The following TSPAN5 variants were observed in gnomAD, a reference collection of about 807,000 sequenced individuals.
TSPAN5 encodes tetraspanin-5.
In TSPAN5, 10 loss-of-function variants were observed where a neutral mutation model predicts 37.1. That is an observed-to-expected ratio of 0.27 (90% CI 0.17 to 0.46). TSPAN5 has a LOEUF of 0.46. Among genes scored for constraint, TSPAN5 ranks in the 20% least tolerant of loss-of-function variants. TSPAN5 has a pLI of 1.00. For synonymous variants in TSPAN5, 110 were observed against 118.9 expected (o/e 0.93, Z 0.48); for missense variants, 195 against 326.6 (o/e 0.60, Z 3.11).
intron 1 of TSPAN5, among the ~76,000 whole-genome samples, chr4:98,610,291 T>C (rs529492023): frequency 2.6e-5 from 4 of 152,310 alleles, no homozygotes; most frequent in Non-Finnish European, 5.9e-5. Flanking sequence ...AATCCCCTCA[T>C]GAGGGGGAGC....
At chr4:98,633,396 C>T (rs1195242362) in intron 1 of TSPAN5, among the ~76,000 whole-genome samples, 1 of 152,160 alleles carries the variant, frequency 6.6e-6, no homozygotes, top group Non-Finnish European at 1.5e-5. Context: ...TTTGCAGCGA[C>T]CTGTTCAGTT....
chr4:98,517,326 C>T (rs1209001894), intron 1 of TSPAN5, among the ~76,000 whole-genome samples: 1 of 152,044 alleles, frequency 6.6e-6, no homozygotes, highest in Non-Finnish European at 1.5e-5. Context: ...CTGCTGCTTG[C>T]TTGTTGAACT....
chr4:98,585,111 C>T (rs1755456248), intron 1 of TSPAN5, among the ~76,000 whole-genome samples: 1 of 152,012 alleles, frequency 6.6e-6, no homozygotes, highest in African/African-American at 2.4e-5. Flanking sequence ...GTCAAAAAAC[C>T]TAATTTTTAA....
chr4:98,484,673 G>A (rs963477724), intron 3 of TSPAN5: 5 of 437,696 alleles, frequency 1.1e-5, no homozygotes, highest in African/African-American at 8.2e-5. Context: ...TCACAATTAA[G>A]GGGACTGAGC....
At chr4:98,575,361 C>T (rs966581716) in intron 1 of TSPAN5, among the ~76,000 whole-genome samples, 2 of 149,376 alleles carry the variant, frequency 1.3e-5, no homozygotes, top group Non-Finnish European at 3.0e-5. Flanking sequence ...GGCTGGCGGG[C>T]TCTTTTTTTT....
intron 1 of TSPAN5, among the ~76,000 whole-genome samples, chr4:98,577,668 A>AC (rs1755270455): frequency 6.6e-6 from 1 of 152,260 alleles, no homozygotes; most frequent in Non-Finnish European, 1.5e-5. Context: ...CACCCCAGAG[A>AC]AAGAAAAGAG....
Position 98,506,031 on chromosome 4 carries a change from G to A in TSPAN5, c.132+1647C>T, listed in dbSNP as rs115330246. Among the ~76,000 whole-genome samples, 418 of 152,268 alleles carry A rather than the reference G, an allele frequency of 2.7e-3. 3 individuals carry two copies. The highest frequency in any genetic ancestry group is 9.6e-3 in the African/African-American group (398 of 41,554). On this transcript the variant is annotated intron_variant, in intron 2 of 7. Transcript: ENST00000305798. ...CAGAGAAGAGACATTTGAGGCAACT[G>A]ATGAAACAAAAAGATAATTATATTT...
At chr4:98,657,695 G>T in intron 1 of TSPAN5, 1 of 214,790 alleles carries the variant, frequency 4.7e-6, no homozygotes, top group Middle Eastern at 1.7e-3. Context: ...GCGGCAACAC[G>T]GAGCCAAGCC....
At chr4:98,502,963 T>A (rs561418811) in intron 2 of TSPAN5, among the ~76,000 whole-genome samples, 1 of 151,558 alleles carries the variant, frequency 6.6e-6, no homozygotes, top group Non-Finnish European at 1.5e-5. Flanking sequence ...CCAGGTGGCA[T>A]GGTGGGGCAA....
At chr4:98,562,269 T>C (rs746552146) in intron 1 of TSPAN5, among the ~76,000 whole-genome samples, 1 of 152,130 alleles carries the variant, frequency 6.6e-6, no homozygotes, top group Non-Finnish European at 1.5e-5. Context: ...GTGTGATACC[T>C]GGACAGGAAA....
At chr4:98,519,922 T>C (rs1180191290) in intron 1 of TSPAN5, among the ~76,000 whole-genome samples, 4 of 152,222 alleles carry the variant, frequency 2.6e-5, no homozygotes, top group Admixed American at 6.5e-5. Context: ...ACAAGTGGAA[T>C]CTATCTCGTG....
At chr4:98,496,722 T>C (rs1228202649) in intron 2 of TSPAN5, 4 of 152,244 alleles carry the variant, frequency 2.6e-5, no homozygotes, top group African/African-American at 9.6e-5. Context: ...CCCATCAGCG[T>C]GGAAACAGCC....
chr4:98,564,742 TG>T (rs1168216318), intron 1 of TSPAN5, among the ~76,000 whole-genome samples: 5 of 152,044 alleles, frequency 3.3e-5, no homozygotes, highest in Non-Finnish European at 7.4e-5. Context: ...TCACCCAGGC[TG>T]GAGTGCAGTG....
At chr4:98,565,312 T>A (rs1470431402) in intron 1 of TSPAN5, among the ~76,000 whole-genome samples, 1 of 152,232 alleles carries the variant, frequency 6.6e-6, no homozygotes, top group Admixed American at 6.5e-5. Context: ...ATGTTTCATA[T>A]AACTGTTGAG....
intron 1 of TSPAN5, among the ~76,000 whole-genome samples, chr4:98,621,794 C>G (rs535342095): frequency 8.4e-4 from 127 of 151,250 alleles, no homozygotes; most frequent in African/African-American, 2.8e-3. Context: ...TCCCACCCCC[C>G]CCGCAGCCCC....
intron 1 of TSPAN5, among the ~76,000 whole-genome samples, chr4:98,634,187 T>C (rs932029074): frequency 6.6e-6 from 1 of 152,216 alleles, no homozygotes; most frequent in African/African-American, 2.4e-5. Context: ...ACTGACCTTT[T>C]TCAGTGGCCT....
At chr4:98,629,905 G>T (rs1756702716) in intron 1 of TSPAN5, among the ~76,000 whole-genome samples, 1 of 152,180 alleles carries the variant, frequency 6.6e-6, no homozygotes, top group South Asian at 2.1e-4. Context: ...TCAAAAAAAA[G>T]TATTTTTAAT....
At chr4:98,488,843 A>G (rs941484994) in intron 2 of TSPAN5, among the ~76,000 whole-genome samples, 6 of 152,200 alleles carry the variant, frequency 3.9e-5, no homozygotes, top group Non-Finnish European at 8.8e-5. Context: ...GCTTGAGGCC[A>G]GGAGTTTGAG....
intron 1 of TSPAN5, among the ~76,000 whole-genome samples, chr4:98,605,202 A>G (rs1251670050): frequency 6.6e-6 from 1 of 152,218 alleles, no homozygotes; most frequent in East Asian, 1.9e-4. Flanking sequence ...TACTGACATC[A>G]TCAAAAACCG....
Sources: gnomAD v4.1 joint callset for allele counts (sites outside exome capture counted in the v4.1 genomes callset) on GRCh38, gnomAD v4.1.1 for gene constraint, MANE v1.5 for transcripts, NCBI Gene and HGNC (gene_info 2026-07-23, HGNC 2026-07-21) for gene names.